The following ANGPT1 variants were observed in gnomAD, a reference collection of about 807,000 sequenced individuals.
The protein encoded by ANGPT1 is angiopoietin-1.
Under a neutral mutation model 62.2 loss-of-function variants are expected in ANGPT1, and 17 were observed. The ratio of observed to expected loss-of-function variants is 0.27; its 90% CI spans 0.19 to 0.41. The LOEUF is 0.41. ANGPT1 is among the 10% of genes least tolerant of loss of function. The pLI is 1.00. For missense variants in ANGPT1, 478 were observed against 594.9 expected (o/e 0.80, Z 2.04); for synonymous variants, 199 against 198.9 (o/e 1.00, Z 0.00).
chr8:107,387,961 T>C (rs78713683), intron 1 of ANGPT1, among the ~76,000 whole-genome samples: 273 of 152,250 alleles, frequency 1.8e-3, no homozygotes, highest in African/African-American at 6.2e-3. Flanking sequence ...CTGTTATATA[T>C]TTCTGGGTTT....
intron 1 of ANGPT1, among the ~76,000 whole-genome samples, chr8:107,387,824 A>G (rs1816760645): frequency 6.6e-6 from 1 of 152,036 alleles, no homozygotes; most frequent in Non-Finnish European, 1.5e-5. Flanking sequence ...TATAGGAGGA[A>G]CTATTGATGC....
chr8:107,276,971 A>G (rs1161529456), intron 7 of ANGPT1, among the ~76,000 whole-genome samples: 1 of 152,254 alleles, frequency 6.6e-6, no homozygotes, highest in East Asian at 1.9e-4. Flanking sequence ...TATGATAGAC[A>G]TCAACAGTCA....
Position 107,348,655 on chromosome 8 carries a change from T to C in ANGPT1, c.298-1558A>G, listed in dbSNP as rs376375017. ...AGGCCAAATCTTGACTTTATTCCAA[T>C]TGAACTAACATATTTAAACAACAAG... is the stretch of plus-strand genomic sequence containing the variant. On this transcript the variant is annotated intron_variant, in intron 1 of 8. Transcript: ENST00000517746. Among the ~76,000 whole-genome samples, 4 of 152,314 alleles carry C rather than the reference T, an allele frequency of 2.6e-5. No homozygotes were observed. In the East Asian group the frequency reaches 5.8e-4, roughly 22 times the overall value.
At chr8:107,483,577 T>TA (rs1416545937) in intron 1 of ANGPT1, among the ~76,000 whole-genome samples, 4 of 152,016 alleles carry the variant, frequency 2.6e-5, no homozygotes, top group Non-Finnish European at 4.4e-5. Flanking sequence ...GATGAACTTT[T>TA]AAAAAAATTC....
chr8:107,495,281 C>T (rs930080318), intron 1 of ANGPT1, among the ~76,000 whole-genome samples: 1 of 152,136 alleles, frequency 6.6e-6, no homozygotes, highest in Non-Finnish European at 1.5e-5. Flanking sequence ...AGCATATATT[C>T]AGCTTGATTT....
At chr8:107,256,356 T>G (rs1813356292) in intron 8 of ANGPT1, among the ~76,000 whole-genome samples, 1 of 152,246 alleles carries the variant, frequency 6.6e-6, no homozygotes. Context: ...TTCAAACAGT[T>G]TGTCCACTTT....
In ANGPT1 at chr8:107,322,096, C is replaced by T. The variant is rs1815166451; in HGVS notation, c.608G>A (p.Gly203Glu). 6.2e-7 allele frequency: 1 copy of T among 1,613,296 alleles called. No individual in the cohort carries two copies. Among genetic ancestry groups the T allele is most frequent in the Non-Finnish European group, 8.5e-7 (1 of 1,179,656 alleles). ...LLEHKILEME[G>E]KHKEELDTLK... ...GGTGTCCAACTCTTCCTTGTGTTTT[C>T]CTTCCATTTCTAAGATTTTATGTTC... The change falls in exon 4 of 9, where the codon GGA (glycine) becomes GAA (glutamate). Residue 203 changes from glycine (G) to glutamate (E), a missense_variant. Physicochemically the swap from Gly to Glu is moderately conservative, Grantham distance 98. This residue lies in a region of ANGPT1 where 343 missense variants were observed against 355.4 expected (regional missense o/e 0.97). Coordinates refer to ENST00000517746, the MANE Select transcript of ANGPT1 (RefSeq NM_001146.5).
At position 107,333,970 on chromosome 8, in the gene ANGPT1, AAAGGAGGGAGGGAGGG is replaced by A. The variant is rs140706995; in HGVS notation, c.575+2164_575+2179del. ...AAAGAAAGAAAGAAAAGAAAGAAAG[AAAGGAGGGAGGGAGGG>A]AGGGAGGGAGGGAAGGAAGGAAGGA... On this transcript the variant is annotated intron_variant, in intron 3 of 8. Coordinates refer to ENST00000517746, the MANE Select transcript of ANGPT1 (RefSeq NM_001146.5). Among the ~76,000 whole-genome samples the A allele has an allele frequency of 2.4e-3, 224 of 95,290 alleles. 1 individual carries two copies. Among genetic ancestry groups the A allele is most frequent in the African/African-American group, 7.6e-3 (202 of 26,634 alleles). 62.5% of individuals were successfully genotyped at this position (95,290 alleles called of 152,430 possible). A position where few individuals can be genotyped will look rare whatever the true frequency, so the allele number is the denominator to read the frequency against.
intron 6 of ANGPT1, among the ~76,000 whole-genome samples, chr8:107,286,427 C>T (rs1814142834): frequency 6.6e-6 from 1 of 152,010 alleles, no homozygotes. Context: ...TATTGCCTTG[C>T]ATGTGTCTTC....
intron 5 of ANGPT1, 98 bp downstream of exon 5, chr8:107,303,142 T>C (rs1814633080): frequency 7.1e-7 from 1 of 1,412,978 alleles, no homozygotes. Flanking sequence ...CATCTCTATA[T>C]ATATTTCCAG....
intron 1 of ANGPT1, among the ~76,000 whole-genome samples, chr8:107,368,447 TG>T (rs1278138617): frequency 6.6e-6 from 1 of 150,996 alleles, no homozygotes; most frequent in African/African-American, 2.4e-5. Context: ...AGTTAGTAAA[TG>T]AGTATTCCTT....
intron 3 of ANGPT1, among the ~76,000 whole-genome samples, chr8:107,322,387 T>C (rs1170098679): frequency 6.6e-6 from 1 of 152,190 alleles, no homozygotes; most frequent in Non-Finnish European, 1.5e-5. Context: ...TTGGTTTCCT[T>C]GGGTGTATCT....
At chr8:107,324,147 C>CAA (rs1159031647) in intron 3 of ANGPT1, among the ~76,000 whole-genome samples, 5 of 105,888 alleles carry the variant, frequency 4.7e-5, no homozygotes, top group African/African-American at 1.7e-4. Flanking sequence ...GCCCCCCAGC[C>CAA]AAAAAAAAAA....
intron 1 of ANGPT1, among the ~76,000 whole-genome samples, chr8:107,477,864 C>T (rs540747526): frequency 2.5e-4 from 38 of 152,048 alleles, no homozygotes; most frequent in African/African-American, 8.2e-4. Context: ...TGTAATTCAC[C>T]GTTTTGGGTG....
chr8:107,420,350 G>GTCGT (rs1467068746), intron 1 of ANGPT1, among the ~76,000 whole-genome samples: 1 of 152,120 alleles, frequency 6.6e-6, no homozygotes, highest in Non-Finnish European at 1.5e-5. Flanking sequence ...GGCCAAGGTA[G>GTCGT]TCGTGTACCA....
At chr8:107,333,956 GAAAA>G (rs1815487218) in intron 3 of ANGPT1, among the ~76,000 whole-genome samples, 1 of 106,212 alleles carries the variant, frequency 9.4e-6, no homozygotes, top group Non-Finnish European at 1.9e-5. Context: ...AAGAAAGAAA[GAAAA>G]GAAAGAAAGA....
At chr8:107,320,563 T>C (rs1815127221) in intron 4 of ANGPT1, among the ~76,000 whole-genome samples, 1 of 152,194 alleles carries the variant, frequency 6.6e-6, no homozygotes, top group Non-Finnish European at 1.5e-5. Context: ...AATACTACCA[T>C]GCTTTCCTTC....
At chr8:107,450,731 C>T (rs1283371441) in intron 1 of ANGPT1, among the ~76,000 whole-genome samples, 1 of 76,848 alleles carries the variant, frequency 1.3e-5, no homozygotes, top group South Asian at 4.2e-4. Flanking sequence ...TGTGTGTGTG[C>T]ATGTGTGCAT....
At chr8:107,252,528 G>C (rs1289797646) in intron 8 of ANGPT1, among the ~76,000 whole-genome samples, 1 of 152,160 alleles carries the variant, frequency 6.6e-6, no homozygotes. Context: ...GCCCTAAGCT[G>C]CTTCTAAAAT....
Sources: allele counts gnomAD v4.1 joint callset (sites outside exome capture counted in the v4.1 genomes callset), GRCh38; gene constraint gnomAD v4.1.1; regional missense constraint gnomAD v4.1.1; transcripts MANE v1.5; gene names NCBI Gene and HGNC (gene_info 2026-07-23, HGNC 2026-07-21).